Variants in GPATCH8 observed in about 807,000 individuals in gnomAD.
GPATCH8 encodes the protein G patch domain-containing protein 8.
A neutral mutation model predicts 118.3 loss-of-function variants in GPATCH8; 18 were observed. The observed-to-expected ratio is 0.15, with a 90% CI of 0.11 to 0.23. GPATCH8 has a LOEUF of 0.23. Among genes scored for constraint, GPATCH8 ranks in the 10% least tolerant of loss-of-function variants. The pLI, the probability that GPATCH8 is intolerant of heterozygous loss-of-function variation, is 1.00. For synonymous variants in GPATCH8, 659 were observed against 684.7 expected (o/e 0.96, Z 0.59); for missense variants, 1,631 against 1,873.8 (o/e 0.87, Z 2.39).
Position 44,399,852 on chromosome 17 carries a change from G to C in GPATCH8, c.2225C>G (p.Ala742Gly), listed in dbSNP as rs758869547. 9 of 1,613,722 alleles carry C rather than the reference G, an allele frequency of 5.6e-6. No individual in the cohort carries two copies. In the African/African-American group the frequency reaches 6.7e-5, roughly 12 times the overall value. The change falls in exon 8 of 8, where the codon GCA (alanine) becomes GGA (glycine). Residue 742 changes from alanine (A) to glycine (G), a missense_variant. This residue lies in a region of GPATCH8 where 922 missense variants were observed against 879.7 expected (regional missense o/e 1.05). Coordinates refer to ENST00000591680, the MANE Select transcript of GPATCH8 (RefSeq NM_001002909.4). ...AGCTCTCCGCCTTCTTCTTGGTGGT[G>C]CGGGACTGCCACTCCCAGGGGGTTC... is the stretch of plus-strand genomic sequence containing the variant. ...KPEPPGSGSP[A>G]PPRRRRRAQD...
intron 1 of GPATCH8, 93 bp from the exon 2 acceptor site, chr17:44,474,996 CTT>C (rs960355933): frequency 2.6e-3 from 1,615 of 610,710 alleles, no homozygotes; most frequent in East Asian, 3.7e-3. Flanking sequence ...TTTAACTTTT[CTT>C]TTTTTTTTTT....
chr17:44,458,299 T>G (rs1413302805), intron 3 of GPATCH8, among the ~76,000 whole-genome samples: 7 of 152,090 alleles, frequency 4.6e-5, no homozygotes, highest in Middle Eastern at 3.4e-3. Context: ...ACATCCATTT[T>G]AATTTTTAAG....
At chr17:44,499,667 ACTTT>A (rs961196258) in intron 1 of GPATCH8, among the ~76,000 whole-genome samples, 94 of 152,230 alleles carry the variant, frequency 6.2e-4, no homozygotes, top group African/African-American at 2.2e-3. Context: ...TACAAACAAA[ACTTT>A]CTTTAATGAA....
intron 1 of GPATCH8, among the ~76,000 whole-genome samples, chr17:44,488,218 T>C (rs974024975): frequency 2.6e-3 from 341 of 131,122 alleles, no homozygotes; most frequent in African/African-American, 9.5e-3. Context: ...CCACCGTGCC[T>C]GACCCTTTTT....
rs1440956198 is a variant in GPATCH8 at position 44,398,284 on chromosome 17, C to T, written c.3793G>A (p.Val1265Met). 6.2e-7 allele frequency: 1 copy of T among 1,613,762 alleles called. No individual in the cohort carries two copies. Among genetic ancestry groups the T allele is most frequent in the East Asian group, 2.2e-5 (1 of 44,876 alleles). ...GCTATAGGCAGCAAGCTGGACTCCA[C>T]AGGGCCTGGCTGACTGCTGCTATCC... ...SLDSSSQPGP[V>M]ESSLLPIAPD... Residue 1265 changes from valine (V) to methionine (M), a missense_variant, in exon 8 of 8, where the codon GTG becomes ATG. By Grantham distance (21) the Val-to-Met change is conservative. Around this residue, in one of 8 missense-constraint regions of GPATCH8, gnomAD observed 922 missense variants for 879.7 expected, o/e 1.05. Transcript: ENST00000591680.
chr17:44,404,824 A>G lies in GPATCH8; in HGVS notation c.623+1097T>C, dbSNP rs866119390. On this transcript the variant is annotated intron_variant, in intron 7 of 7. Coordinates refer to ENST00000591680, the MANE Select transcript of GPATCH8 (RefSeq NM_001002909.4). ...AAAGTAACCCAGGAACAGAAAATCA[A>G]ACACTGCAGGTTGCCACTCATATGT... Among the ~76,000 whole-genome samples, 7 of 152,212 alleles carry G rather than the reference A, an allele frequency of 4.6e-5. 1 individual carries two copies. The highest frequency in any genetic ancestry group is 1.3e-4 in the Admixed American group (2 of 15,268).
chr17:44,486,741 G>C (rs1039284749), intron 1 of GPATCH8: 1 of 152,122 alleles, frequency 6.6e-6, no homozygotes, highest in Non-Finnish European at 1.5e-5. Flanking sequence ...TCATTTCTTA[G>C]AGGTAATCAT....
intron 1 of GPATCH8, among the ~76,000 whole-genome samples, chr17:44,500,458 G>T (rs1969974197): frequency 6.6e-6 from 1 of 152,140 alleles, no homozygotes; most frequent in Non-Finnish European, 1.5e-5. Context: ...ATACATGAGT[G>T]CTTCAAGTGG....
chr17:44,400,151 C>T lies in GPATCH8; in HGVS notation c.1926G>A (p.Leu642=), dbSNP rs2048960431. Residue 642 remains leucine (L), a synonymous_variant, in exon 8 of 8, where the codon CTG becomes CTA. Transcript: ENST00000591680. ...APASGSACSG[L]NKQEPGGSHG... ...GGCTACCCCCAGGCTCCTGCTTGTTCAGGCCGCTACAGGCAGACCCTGAAG... is the reference window on the plus strand; with the variant it reads ...GGCTACCCCCAGGCTCCTGCTTGTTTAGGCCGCTACAGGCAGACCCTGAAG... 1.2e-6 allele frequency: 2 copies of T among 1,614,074 alleles called. No individual in the cohort carries two copies. The highest frequency in any genetic ancestry group is 2.2e-5 in the East Asian group (1 of 44,852).
At chr17:44,474,359 G>A (rs1286477592) in intron 2 of GPATCH8, 1 of 214,532 alleles carries the variant, frequency 4.7e-6, no homozygotes, top group Non-Finnish European at 9.4e-6. Context: ...AACTTGCCAT[G>A]TTTCACAACA....
intron 7 of GPATCH8, among the ~76,000 whole-genome samples, chr17:44,402,324 C>CAAA (rs61316944): frequency 4.5e-4 from 19 of 41,856 alleles, no homozygotes; most frequent in South Asian, 7.8e-4. Flanking sequence ...GACTCTGTCT[C>CAAA]AAAAAAAAAA....
rs745370582 is a variant in GPATCH8 at position 44,401,413 on chromosome 17, C to A, written c.664G>T (p.Ala222Ser). ...TCTTCTCCACCTTCTTCATCTACAG[C>A]CACTGTGGTTGGTTTGAACATGGGA... ...SGPMFKPTTV[A>S]VDEEGGEDDK... Residue 222 changes from alanine (A) to serine (S), a missense_variant, in exon 8 of 8, where the codon GCT becomes TCT. Ala to Ser is a moderately conservative substitution (Grantham distance 99). This residue lies in a region of GPATCH8 where 405 missense variants were observed against 462.7 expected (regional missense o/e 0.88). Coordinates refer to ENST00000591680, the MANE Select transcript of GPATCH8 (RefSeq NM_001002909.4). 8 of 1,613,196 alleles carry A rather than the reference C, an allele frequency of 5.0e-6. No homozygotes were observed. The highest frequency in any genetic ancestry group is 1.7e-5 in the Admixed American group (1 of 59,998).
chr17:44,442,085 G>GTGTA (rs1567993686), intron 3 of GPATCH8, among the ~76,000 whole-genome samples: 3 of 145,042 alleles, frequency 2.1e-5, no homozygotes. Flanking sequence ...ATATATGTGT[G>GTGTA]TATATGTATA....
At chr17:44,431,645 T>C (rs775541695) in intron 5 of GPATCH8, among the ~76,000 whole-genome samples, 6 of 152,018 alleles carry the variant, frequency 3.9e-5, no homozygotes, top group Non-Finnish European at 7.4e-5. Flanking sequence ...TAAGACTATA[T>C]ACAAGTAAAA....
At chr17:44,469,027 C>A (rs150681799) in intron 2 of GPATCH8, among the ~76,000 whole-genome samples, 1 of 152,116 alleles carries the variant, frequency 6.6e-6, no homozygotes, top group African/African-American at 2.4e-5. Flanking sequence ...TCTGGTTAAA[C>A]CATGTAGCTA....
rs371785054 is a variant in GPATCH8 at position 44,400,118 on chromosome 17, A to G, written c.1959T>C (p.Ser653=). 18 of 1,613,824 alleles carry G rather than the reference A, an allele frequency of 1.1e-5. No individual in the cohort carries two copies. The highest frequency in any genetic ancestry group is 1.4e-5 in the Non-Finnish European group (17 of 1,180,008). ...GGCTTCTCCCTGTGTCTTCTGTCTC[A>G]GACCCATGGCTACCCCCAGGCTCCT... The part of the protein sequence containing the change: ...NKQEPGGSHG[S]ETEDTGRSLP... The change falls in exon 8 of 8, where the codon TCT becomes TCC. Residue 653 remains serine (S), a synonymous_variant. Coordinates refer to ENST00000591680, the MANE Select transcript of GPATCH8 (RefSeq NM_001002909.4).
Position 44,396,907 on chromosome 17 carries a change from A to G in GPATCH8, c.*661T>C, listed in dbSNP as rs1290565289. On this transcript the variant is annotated 3_prime_UTR_variant, in exon 8 of 8. Transcript: ENST00000591680. ...ATGATAGGATCTTCTTTTCTGGGAT[A>G]TGGAGATGCCTCTTCTGGGATGAGG... The G allele has an allele frequency of 6.6e-6, 3 of 454,056 alleles. No individual in the cohort carries two copies. The highest frequency in any genetic ancestry group is 1.3e-5 in the Non-Finnish European group (3 of 226,800). 28.1% of individuals were successfully genotyped at this position (454,056 alleles called of 1,614,324 possible). A position where few individuals can be genotyped will look rare whatever the true frequency, so the allele number is the denominator to read the frequency against.
chr17:44,425,671 G>A (rs907722581), intron 5 of GPATCH8, among the ~76,000 whole-genome samples: 3 of 152,128 alleles, frequency 2.0e-5, no homozygotes, highest in Admixed American at 6.6e-5. Flanking sequence ...TTGGACTATA[G>A]GCGTGTACCA....
chr17:44,398,289 C>T lies in GPATCH8; in HGVS notation c.3788G>A (p.Gly1263Asp). 2 of 1,613,754 alleles carry T rather than the reference C, an allele frequency of 1.2e-6. No individual in the cohort carries two copies. Among genetic ancestry groups the T allele is most frequent in the Non-Finnish European group, 1.7e-6 (2 of 1,179,838 alleles). The part of the protein sequence containing the change: ...LESLDSSSQP[G>D]PVESSLLPIA... Reference sequence around the variant, plus strand: ...AGGCAGCAAGCTGGACTCCACAGGGCCTGGCTGACTGCTGCTATCCAGGGA... The same window carrying T: ...AGGCAGCAAGCTGGACTCCACAGGGTCTGGCTGACTGCTGCTATCCAGGGA... Residue 1263 changes from glycine (G) to aspartate (D), a missense_variant, in exon 8 of 8, where the codon GGC becomes GAC. Coordinates refer to ENST00000591680, the MANE Select transcript of GPATCH8 (RefSeq NM_001002909.4).
Sources: gnomAD v4.1 joint callset for allele counts (sites outside exome capture counted in the v4.1 genomes callset) on GRCh38, gnomAD v4.1.1 for gene constraint, gnomAD v4.1.1 regional missense constraint, MANE v1.5 for transcripts, NCBI Gene and HGNC (gene_info 2026-07-23, HGNC 2026-07-21) for gene names.